The following COMMD10 variants were observed in gnomAD, a reference collection of about 807,000 sequenced individuals.
The protein encoded by COMMD10 is COMM domain-containing protein 10.
Under a neutral mutation model 28.9 loss-of-function variants are expected in COMMD10, and 33 were observed. That is an observed-to-expected ratio of 1.14 (90% CI 0.87 to 1.53). The LOEUF (loss-of-function observed/expected upper bound fraction) is 1.53, where lower values mean the gene tolerates loss of function less well. Among genes scored for constraint, COMMD10 ranks in the 40% most tolerant of loss-of-function variants. The pLI is 0.00. For synonymous variants in COMMD10, 110 were observed against 81.7 expected, an observed-to-expected ratio of 1.35 and a Z score of -1.87; for missense variants, 310 against 233.4, an observed-to-expected ratio of 1.33 and a Z score of -2.14.
At chr5:116,186,591 T>G (rs952362392) in intron 5 of COMMD10, among the ~76,000 whole-genome samples, 1 of 152,144 alleles carries the variant, frequency 6.6e-6, no homozygotes, top group African/African-American at 2.4e-5. Context: ...CTTCATACCT[T>G]CTCTTCACAG....
chr5:116,150,354 C>G (rs997633231), intron 5 of COMMD10, among the ~76,000 whole-genome samples: 1 of 151,952 alleles, frequency 6.6e-6, no homozygotes, highest in African/African-American at 2.4e-5. Context: ...TTTTTTGGTT[C>G]CATATGAACT....
At chr5:116,201,387 C>T (rs1038180625) in intron 5 of COMMD10, among the ~76,000 whole-genome samples, 8 of 152,042 alleles carry the variant, frequency 5.3e-5, no homozygotes, top group African/African-American at 9.7e-5. Context: ...GCTGGGTGCC[C>T]CTGCATTTTT....
chr5:116,139,223 CTTTA>C (rs1203671675), intron 5 of COMMD10, among the ~76,000 whole-genome samples: 2 of 151,690 alleles, frequency 1.3e-5, no homozygotes, highest in Non-Finnish European at 3.0e-5. Context: ...TTTCTTTCCC[CTTTA>C]TTTGACTAAG....
At chr5:116,177,511 A>G (rs375769317) in intron 5 of COMMD10, among the ~76,000 whole-genome samples, 1 of 136,288 alleles carries the variant, frequency 7.3e-6, no homozygotes, top group African/African-American at 3.3e-5. Flanking sequence ...TTTCCTGCTT[A>G]AAATGTCTAA....
At chr5:116,128,614 T>A (rs949454274) in intron 4 of COMMD10, among the ~76,000 whole-genome samples, 3 of 152,004 alleles carry the variant, frequency 2.0e-5, no homozygotes, top group Non-Finnish European at 2.9e-5. Context: ...TAGTTATGAG[T>A]CTCAGGAATA....
intron 5 of COMMD10, among the ~76,000 whole-genome samples, chr5:116,288,251 G>A (rs190610380): frequency 6.6e-6 from 1 of 151,766 alleles, no homozygotes. Context: ...TTTCCTTTCA[G>A]CACTTTGAGT....
intron 4 of COMMD10, among the ~76,000 whole-genome samples, chr5:116,102,433 G>C (rs1750695391): frequency 6.6e-6 from 1 of 152,024 alleles, no homozygotes; most frequent in Non-Finnish European, 1.5e-5. Flanking sequence ...CTTTATACTA[G>C]TACCATGCTG....
chr5:116,221,350 C>T (rs1749250819), intron 5 of COMMD10, among the ~76,000 whole-genome samples: 2 of 152,282 alleles, frequency 1.3e-5, no homozygotes, highest in Non-Finnish European at 2.9e-5. Context: ...CTCCCATCTC[C>T]TTTCTCAGCC....
chr5:116,206,195 A>T (rs1228141392), intron 5 of COMMD10, among the ~76,000 whole-genome samples: 1 of 152,122 alleles, frequency 6.6e-6, no homozygotes, highest in African/African-American at 2.4e-5. Context: ...AATTTGTACA[A>T]ATTTATTATG....
chr5:116,283,927 T>G (rs1358594912), intron 5 of COMMD10, among the ~76,000 whole-genome samples: 1 of 151,718 alleles, frequency 6.6e-6, no homozygotes, highest in Admixed American at 6.6e-5. Context: ...CTCAGGGGTT[T>G]GAAACCAGCT....
intron 5 of COMMD10, among the ~76,000 whole-genome samples, chr5:116,251,861 T>G (rs374117574): frequency 6.6e-6 from 1 of 152,038 alleles, no homozygotes; most frequent in African/African-American, 2.4e-5. Flanking sequence ...TCCCTGAGGA[T>G]TCGCCACACT....
chr5:116,194,957 ATAATCCAC>A (rs1160270036), intron 5 of COMMD10, among the ~76,000 whole-genome samples: 1 of 152,196 alleles, frequency 6.6e-6, no homozygotes. Context: ...TATCAAAAAG[ATAATCCAC>A]TATGATCAAG....
rs539601379 is a variant in COMMD10 at position 116,183,158 on chromosome 5, A to G, written c.510+48980A>G. 2.3e-4 allele frequency among the ~76,000 whole-genome samples: 35 copies of G among 152,302 alleles called. 1 individual carries two copies. The highest frequency in any genetic ancestry group is 2.3e-3 in the South Asian group (11 of 4,830). On this transcript the variant is annotated intron_variant, in intron 5 of 6. Coordinates refer to ENST00000274458, the MANE Select transcript of COMMD10 (RefSeq NM_016144.4). Reference sequence around the variant, plus strand: ...AAAGAGATTGTTGGTGAGAGAGGCCATTGACTCACCAGAGAACCTAGAAAT... The same window carrying G: ...AAAGAGATTGTTGGTGAGAGAGGCCGTTGACTCACCAGAGAACCTAGAAAT...
intron 5 of COMMD10, among the ~76,000 whole-genome samples, chr5:116,261,220 G>A (rs537234005): frequency 6.6e-6 from 1 of 151,848 alleles, no homozygotes; most frequent in South Asian, 2.1e-4. Flanking sequence ...TTAAAAAGAA[G>A]TTGATTATAA....
intron 5 of COMMD10, among the ~76,000 whole-genome samples, chr5:116,191,942 G>A (rs1444073038): frequency 6.6e-6 from 1 of 151,078 alleles, no homozygotes; most frequent in Non-Finnish European, 1.5e-5. Flanking sequence ...ACAGGTGCTG[G>A]TATCTACGGA....
chr5:116,150,301 G>A (rs1207333991), intron 5 of COMMD10, among the ~76,000 whole-genome samples: 2 of 152,122 alleles, frequency 1.3e-5, no homozygotes, highest in African/African-American at 4.8e-5. Flanking sequence ...GATGCCTCCA[G>A]CTTTTTTCTT....
At chr5:116,181,457 G>A (rs1232632083) in intron 5 of COMMD10, among the ~76,000 whole-genome samples, 1 of 149,670 alleles carries the variant, frequency 6.7e-6, no homozygotes, top group African/African-American at 2.5e-5. Context: ...AAAGAAATTA[G>A]CAGAAATCAG....
chr5:116,116,210 T>C (rs944810430), intron 4 of COMMD10, among the ~76,000 whole-genome samples: 1 of 152,216 alleles, frequency 6.6e-6, no homozygotes, highest in Non-Finnish European at 1.5e-5. Context: ...AGATTTACTT[T>C]ATTGTTAACA....
chr5:116,212,496 C>CTGTGTGTGTGTGTG (rs11268771), intron 5 of COMMD10, among the ~76,000 whole-genome samples: 3,092 of 63,842 alleles, frequency 0.048, 148 homozygotes, highest in East Asian at 0.23. Flanking sequence ...TACTGAAATG[C>CTGTGTGTGTGTGTG]TGTGTGTGTG....
Sources: gnomAD v4.1 joint callset for allele counts (sites outside exome capture counted in the v4.1 genomes callset) on GRCh38, gnomAD v4.1.1 for gene constraint, MANE v1.5 for transcripts, NCBI Gene and HGNC (gene_info 2026-07-23, HGNC 2026-07-21) for gene names.